The following BCAS3 variants were observed in gnomAD, a reference collection of about 807,000 sequenced individuals.
BCAS3 encodes BCAS3 microtubule associated cell migration factor, also known as BCAS4/BCAS3 fusion.
BCAS3 carries 53 observed loss-of-function variants against 116.1 expected under a neutral mutation model. The observed-to-expected ratio is 0.46, with a 90% confidence interval of 0.37 to 0.57. The LOEUF (loss-of-function observed/expected upper bound fraction) is 0.57, where lower values mean the gene tolerates loss of function less well. Ranked by LOEUF, BCAS3 falls within the 20% of genes least tolerant of loss-of-function variation. BCAS3 has a pLI of 0.00. For missense variants in BCAS3, 917 were observed against 1,165.4 expected (o/e 0.79, Z 3.10); for synonymous variants, 391 against 408.2 (o/e 0.96, Z 0.51).
Position 61,277,973 on chromosome 17 carries a change from A to G in BCAS3, c.2426-90354A>G, listed in dbSNP as rs555152884. 2.0e-5 allele frequency among the ~76,000 whole-genome samples: 3 copies of G among 152,342 alleles called. No individual in the cohort carries two copies. The South Asian group carries it at 6.2e-4, about 32-fold the overall frequency. Reference sequence around the variant, plus strand: ...AACAGAGTTACCCTATTATCCAACAATTCCACACCCAGGTGTATACCCAAA... The same window carrying G: ...AACAGAGTTACCCTATTATCCAACAGTTCCACACCCAGGTGTATACCCAAA... On this transcript the variant is annotated intron_variant, in intron 22 of 23. Coordinates refer to ENST00000407086, the MANE Select transcript of BCAS3 (RefSeq NM_017679.5).
rs1430687042 is a variant in BCAS3 at position 61,171,509 on chromosome 17, GA to G, written c.2425+86946del. Reference sequence around the variant, plus strand: ...TTAAAAGACAGGAAATGTAAGATTGGATAAAAAAGGCAAGAATCACCTACAT... The same window carrying G: ...TTAAAAGACAGGAAATGTAAGATTGGTAAAAAAGGCAAGAATCACCTACAT... On this transcript the variant is annotated intron_variant, in intron 22 of 23. Transcript: ENST00000407086. The surrounding 1 kb of genome is among the most constrained non-coding windows in gnomAD (Gnocchi z 4.1). Among the ~76,000 whole-genome samples, 3 of 152,030 alleles carry G rather than the reference GA, an allele frequency of 2.0e-5. No homozygotes were observed. The highest frequency in any genetic ancestry group is 1.5e-5 in the Non-Finnish European group (1 of 68,014).
At chr17:60,741,858 A>G (rs963746701) in intron 5 of BCAS3, among the ~76,000 whole-genome samples, 3 of 152,250 alleles carry the variant, frequency 2.0e-5, no homozygotes, top group Non-Finnish European at 4.4e-5. Context: ...TACTAGATAT[A>G]TATCCAAGAG....
Position 61,343,659 on chromosome 17 carries a change from C to T in BCAS3, c.2426-24668C>T, listed in dbSNP as rs1030959641. The stretch of plus-strand genomic sequence containing the variant: ...GGCAACAGACATCCCACTGCCGTTC[C>T]TCTGCCACCTCTGAGTGTGATCAGA... On this transcript the variant is annotated intron_variant, in intron 22 of 23. Transcript: ENST00000407086. The surrounding 1 kb of genome is among the most constrained non-coding windows in gnomAD (Gnocchi z 5.5). Among the ~76,000 whole-genome samples the T allele has an allele frequency of 6.6e-6, 1 of 152,250 alleles. No homozygotes were observed. Among genetic ancestry groups the T allele is most frequent in the Admixed American group, 6.5e-5 (1 of 15,284 alleles).
At chr17:60,853,915 T>C (rs1363075545) in intron 7 of BCAS3, among the ~76,000 whole-genome samples, 1 of 152,216 alleles carries the variant, frequency 6.6e-6, no homozygotes, top group East Asian at 1.9e-4. Flanking sequence ...TTGTTTTTTT[T>C]TATACTTTAA....
At chr17:61,045,823 TTCTCTC>T (rs1182475386) in intron 19 of BCAS3, among the ~76,000 whole-genome samples, 7 of 34,620 alleles carry the variant, frequency 2.0e-4, no homozygotes, top group South Asian at 9.7e-4. Flanking sequence ...TCATCTCTCT[TTCTCTC>T]TCTCTCTCTC....
At position 61,248,159 on chromosome 17, in the gene BCAS3, C is replaced by A; in HGVS notation, c.2426-120168C>A. On this transcript the variant is annotated intron_variant, in intron 22 of 23. Coordinates refer to ENST00000407086, the MANE Select transcript of BCAS3 (RefSeq NM_017679.5). This position sits in a 1 kb window ranked among gnomAD's most constrained non-coding sequence, Gnocchi z 4.3. ...CTGCTTTTCTGAGCACTTCTTGGAT[C>A]CTTTCCCCAACAAAGCCACCAAGGG... is the stretch of plus-strand genomic sequence containing the variant. 6.6e-6 allele frequency among the ~76,000 whole-genome samples: 1 copy of A among 152,152 alleles called. No individual in the cohort carries two copies.
At chr17:61,148,313 T>C (rs2077356790) in intron 22 of BCAS3, among the ~76,000 whole-genome samples, 2 of 152,246 alleles carry the variant, frequency 1.3e-5, no homozygotes, top group Admixed American at 6.5e-5. Context: ...GCTCATATAA[T>C]AGTTACCTTT....
intron 10 of BCAS3, among the ~76,000 whole-genome samples, chr17:60,894,115 GA>G (rs1200705955): frequency 2.6e-5 from 4 of 151,702 alleles, no homozygotes; most frequent in East Asian, 1.9e-4. Flanking sequence ...CAATTCTGTG[GA>G]AAAAACATTA....
chr17:60,726,754 C>T (rs1056413109), intron 5 of BCAS3, among the ~76,000 whole-genome samples: 4 of 152,124 alleles, frequency 2.6e-5, no homozygotes, highest in African/African-American at 9.7e-5. Flanking sequence ...CGTGATCTGC[C>T]TGCCTCGGCC....
chr17:60,852,224 C>T (rs1171529202), intron 7 of BCAS3, among the ~76,000 whole-genome samples: 2 of 151,762 alleles, frequency 1.3e-5, no homozygotes, highest in East Asian at 1.9e-4. Flanking sequence ...TGTTGGTGTG[C>T]TGCACCCATG....
chr17:61,060,356 C>T (rs1213335739), intron 19 of BCAS3, among the ~76,000 whole-genome samples: 4 of 151,172 alleles, frequency 2.6e-5, no homozygotes, highest in African/African-American at 7.3e-5. Context: ...AGTATGGTCT[C>T]GATCTCCTGA....
At chr17:60,934,668 T>A (rs532450569) in intron 13 of BCAS3, among the ~76,000 whole-genome samples, 108 of 152,348 alleles carry the variant, frequency 7.1e-4, no homozygotes, top group Non-Finnish European at 1.1e-3. Context: ...GTTTCACTAT[T>A]CTTATTCAGA....
At chr17:61,283,481 T>TCTGG (rs1440242669) in intron 22 of BCAS3, among the ~76,000 whole-genome samples, 1 of 149,146 alleles carries the variant, frequency 6.7e-6, no homozygotes, top group Non-Finnish European at 1.5e-5. Flanking sequence ...TTGAGACGAG[T>TCTGG]CTGGCTCTGT....
chr17:60,880,407 G>C (rs1054659232), intron 9 of BCAS3, among the ~76,000 whole-genome samples: 3 of 152,082 alleles, frequency 2.0e-5, no homozygotes, highest in African/African-American at 7.2e-5. Flanking sequence ...TCCTGCCTCA[G>C]CCTCTCAAGT....
chr17:60,967,057 C>T lies in BCAS3; in HGVS notation c.1221+19705C>T, dbSNP rs2061698811. 6.6e-6 allele frequency among the ~76,000 whole-genome samples: 1 copy of T among 152,158 alleles called. No individual in the cohort carries two copies. Among genetic ancestry groups the T allele is most frequent in the African/African-American group, 2.4e-5 (1 of 41,436 alleles). On this transcript the variant is annotated intron_variant, in intron 14 of 23. Transcript: ENST00000407086. The surrounding 1 kb of genome is among the most constrained non-coding windows in gnomAD (Gnocchi z 4.7). Reference sequence around the variant, plus strand: ...TTTGATAGATTTATCTTTTGGGTTTCATACTAGAGTTATGAGTGGATTGTA... The same window carrying T: ...TTTGATAGATTTATCTTTTGGGTTTTATACTAGAGTTATGAGTGGATTGTA...
At position 61,366,418 on chromosome 17, in the gene BCAS3, C is replaced by T. The variant is rs184314608; in HGVS notation, c.2426-1909C>T. ...ACTGGCTGTGCATCATGCAGTGAGT[C>T]GGCAGCAGAATCAGAAGCTTAGTGG... On this transcript the variant is annotated intron_variant, in intron 22 of 23. Transcript: ENST00000407086. This position sits in a 1 kb window ranked among gnomAD's most constrained non-coding sequence, Gnocchi z 4.5. Among the ~76,000 whole-genome samples the T allele has an allele frequency of 5.3e-5, 8 of 152,262 alleles. No individual in the cohort carries two copies. In the East Asian group the frequency reaches 1.3e-3, roughly 26 times the overall value.
chr17:60,712,721 C>T (rs7212285), intron 5 of BCAS3, among the ~76,000 whole-genome samples: 19,366 of 152,044 alleles, frequency 0.13, 3,710 homozygotes, highest in African/African-American at 0.42. Context: ...TGACAATAGA[C>T]TAATGGGAGA....
At chr17:61,072,555 A>G (rs1476494509) in intron 19 of BCAS3, among the ~76,000 whole-genome samples, 2 of 152,090 alleles carry the variant, frequency 1.3e-5, no homozygotes, top group East Asian at 3.8e-4. Context: ...CATATATAAA[A>G]CACAACATAA....
chr17:60,973,991 C>T (rs904224404), intron 14 of BCAS3, among the ~76,000 whole-genome samples: 3 of 152,086 alleles, frequency 2.0e-5, no homozygotes, highest in African/African-American at 7.2e-5. Flanking sequence ...CTGATCAGTA[C>T]CAGAGTTATT....
Sources: gnomAD v4.1 joint callset for allele counts (sites outside exome capture counted in the v4.1 genomes callset) on GRCh38, gnomAD v4.1.1 for gene constraint, Gnocchi (gnomAD v3.1) non-coding constraint, MANE v1.5 for transcripts, NCBI Gene and HGNC (gene_info 2026-07-23, HGNC 2026-07-21) for gene names.